ZNF683: variants seen among roughly 807,000 people sequenced by gnomAD.
ZNF683 encodes tissue-resident T-cell transcription regulator protein ZNF683.
ZNF683 carries 20 observed loss-of-function variants against 31.4 expected under a neutral mutation model. The observed-to-expected ratio is 0.64, with a 90% CI of 0.45 to 0.93. The LOEUF is 0.93. Ranked by LOEUF, ZNF683 falls within the 40% of genes least tolerant of loss-of-function variation. ZNF683 has a pLI of 0.00. For missense variants in ZNF683, 621 were observed against 637.2 expected, an observed-to-expected ratio of 0.97 and a Z score of 0.27; for synonymous variants, 264 against 267.6, an observed-to-expected ratio of 0.99 and a Z score of 0.13.
At position 26,365,244 on chromosome 1, in the gene ZNF683, G is replaced by A; in HGVS notation, c.320-18C>T. On this transcript the variant is annotated intron_variant, in intron 3 of 5. Coordinates refer to ENST00000349618, the MANE Select transcript of ZNF683 (RefSeq NM_001114759.3). ...CTCGTGCTCTAAGCAGGAAAAGGAA[G>A]GCGGTCAGATCCCCACAGTCTGGGG... 6.4e-7 allele frequency: 1 copy of A among 1,567,876 alleles called. No individual in the cohort carries two copies. Among genetic ancestry groups the A allele is most frequent in the South Asian group, 1.2e-5 (1 of 85,636 alleles).
chr1:26,371,865 G>A (rs1475117320), intron 1 of ZNF683, among the ~76,000 whole-genome samples: 4 of 149,890 alleles, frequency 2.7e-5, no homozygotes, highest in Non-Finnish European at 5.9e-5. Context: ...CAGGGAGGTC[G>A]AGACTGCAGT....
intron 1 of ZNF683, chr1:26,370,689 G>T: frequency 3.0e-6 from 3 of 985,634 alleles, no homozygotes; most frequent in South Asian, 9.4e-5. Context: ...CTGCAGCAGT[G>T]CTCCTGGCTG....
chr1:26,363,975 C>G (rs1047780165), intron 4 of ZNF683, among the ~76,000 whole-genome samples: 1 of 152,220 alleles, frequency 6.6e-6, no homozygotes, highest in African/African-American at 2.4e-5. Context: ...CCTTTGCTAA[C>G]GCACTGAGAT....
At chr1:26,372,464 C>A (rs1023894395) in intron 1 of ZNF683, 12 of 1,302,568 alleles carry the variant, frequency 9.2e-6, no homozygotes, top group Non-Finnish European at 1.2e-5. Flanking sequence ...CCTCCCTCAC[C>A]AGCACTTCAT....
In ZNF683 at chr1:26,363,247, T is replaced by A. The variant is rs2074430765; in HGVS notation, c.1015-93A>T. Reference sequence around the variant, plus strand: ...AAATCTCTGCCCACTTCTCTCTCCCTCCCCGTCATCTCCCTCAGGGCCCAT... The same window carrying A: ...AAATCTCTGCCCACTTCTCTCTCCCACCCCGTCATCTCCCTCAGGGCCCAT... On this transcript the variant is annotated intron_variant, in intron 4 of 5. Transcript: ENST00000349618. The A allele has an allele frequency of 2.8e-6, 4 of 1,437,344 alleles. No individual in the cohort carries two copies. In the South Asian group the frequency reaches 3.9e-5, roughly 14 times the overall value. The allele number at this position is 1,437,344 out of a possible 1,614,324, so 89.0% of individuals were successfully genotyped here. A position where few individuals can be genotyped will look rare whatever the true frequency, so the allele number is the denominator to read the frequency against.
upstream of ZNF683, among the ~76,000 whole-genome samples, chr1:26,373,951 A>G (rs958231503): frequency 2.0e-5 from 3 of 152,148 alleles, no homozygotes; most frequent in Non-Finnish European, 2.9e-5. Context: ...AGTAGCCAAG[A>G]GCTCTTTAGT....
Position 26,364,743 on chromosome 1 carries a change from G to C in ZNF683, c.803C>G (p.Pro268Arg). Residue 268 changes from proline to arginine, a missense_variant, in exon 4 of 6, where the codon CCT (proline) becomes CGT (arginine). Physicochemically the swap from Pro to Arg is moderately radical, Grantham distance 103. Coordinates refer to ENST00000349618, the MANE Select transcript of ZNF683 (RefSeq NM_001114759.3). ...AGCACCTGGATTTCGGGCCTGGGAA[G>C]GCAGAGCTTGGCCAGAGGCTTGGAA... Reference protein sequence around the residue: ...GAFQASGQALPSQARNPGAGA... With the variant: ...GAFQASGQALRSQARNPGAGA... 6.2e-7 allele frequency: 1 copy of C among 1,613,780 alleles called. No homozygotes were observed. Among genetic ancestry groups the C allele is most frequent in the Non-Finnish European group, 8.5e-7 (1 of 1,179,752 alleles).
Position 26,363,167 on chromosome 1 carries a change from C to G in ZNF683, c.1015-13G>C. The G allele has an allele frequency of 1.3e-6, 2 of 1,598,630 alleles. No homozygotes were observed. Among genetic ancestry groups the G allele is most frequent in the Non-Finnish European group, 1.7e-6 (2 of 1,168,798 alleles). ...CACGCAGGTGGACCTGAGTCAGATG[C>G]GGGATAAATGCTGCCAACTGCCCAG... On this transcript the variant is annotated splice_polypyrimidine_tract_variant and intron_variant, in intron 4 of 5. Coordinates refer to ENST00000349618, the MANE Select transcript of ZNF683 (RefSeq NM_001114759.3).
upstream of ZNF683, chr1:26,373,198 G>C (rs1314207928): frequency 6.5e-6 from 1 of 152,742 alleles, no homozygotes; most frequent in Non-Finnish European, 1.5e-5. Flanking sequence ...AGACCAGCCT[G>C]GCCAACATGG....
chr1:26,362,667 G>A (rs1190144412), intron 5 of ZNF683, among the ~76,000 whole-genome samples: 2 of 152,132 alleles, frequency 1.3e-5, no homozygotes, highest in Admixed American at 6.5e-5. Flanking sequence ...TTTCCCGAGG[G>A]ATGTGGCCAG....
upstream of ZNF683, among the ~76,000 whole-genome samples, chr1:26,373,745 C>G (rs1349087467): frequency 2.6e-5 from 4 of 152,080 alleles, no homozygotes; most frequent in African/African-American, 4.8e-5. Flanking sequence ...TTATACATGC[C>G]CAGAATAGAA....
chr1:26,366,800 C>T (rs1001145081), intron 3 of ZNF683, among the ~76,000 whole-genome samples: 1 of 152,134 alleles, frequency 6.6e-6, no homozygotes, highest in East Asian at 1.9e-4. Context: ...GGACTACAGG[C>T]ACCTGCCACC....
At chr1:26,368,806 G>C (rs1168905348) in intron 1 of ZNF683, among the ~76,000 whole-genome samples, 1 of 152,220 alleles carries the variant, frequency 6.6e-6, no homozygotes, top group Non-Finnish European at 1.5e-5. Flanking sequence ...CTCCTGGTGG[G>C]TGTGGGAAGA....
chr1:26,365,250 C>CA, intron 3 of ZNF683, 24 bp from the exon 4 acceptor site: 1 of 1,554,730 alleles, frequency 6.4e-7, no homozygotes, highest in South Asian at 1.2e-5. Context: ...GGAAGGCGGT[C>CA]AGATCCCCAC....
intron 4 of ZNF683, among the ~76,000 whole-genome samples, chr1:26,363,962 C>T (rs929404776): frequency 6.6e-6 from 1 of 152,222 alleles, no homozygotes; most frequent in African/African-American, 2.4e-5. Flanking sequence ...GCACAGTTTC[C>T]GCCCTTTGCT....
rs746494512 is a variant in ZNF683, at chr1:26,361,669, C to T, written c.1497G>A (p.Gly499=). Residue 499 remains glycine, a synonymous_variant, in exon 6 of 6, where the codon GGG becomes GGA. Transcript: ENST00000349618. ...LSSAGTPLVM[G]QDQNN Reference sequence around the variant, plus strand: ...AACATTTTTAATTGTTCTGGTCCTGCCCCATCACCAGGGGAGTCCCGGCAC... The same window carrying T: ...AACATTTTTAATTGTTCTGGTCCTGTCCCATCACCAGGGGAGTCCCGGCAC... 5 of 1,612,256 alleles carry T rather than the reference C, an allele frequency of 3.1e-6. No individual in the cohort carries two copies. The South Asian group carries it at 4.4e-5, about 14-fold the overall frequency.
At chr1:26,370,169 TGA>T (rs1425619736) in intron 1 of ZNF683, among the ~76,000 whole-genome samples, 1 of 152,136 alleles carries the variant, frequency 6.6e-6, no homozygotes. Context: ...CCTTCTGTGC[TGA>T]GAGGGGTCCC....
At chr1:26,365,579 T>C (rs2074502350) in intron 3 of ZNF683, among the ~76,000 whole-genome samples, 1 of 152,206 alleles carries the variant, frequency 6.6e-6, no homozygotes, top group South Asian at 2.1e-4. Context: ...TTACATTAAT[T>C]ACAATGATTC....
At chr1:26,367,836 G>C (rs1204921978) in intron 2 of ZNF683, 39 bp from the exon 3 acceptor site, 1 of 1,467,646 alleles carries the variant, frequency 6.8e-7, no homozygotes, top group Admixed American at 2.4e-5. Context: ...GCTGGTGACT[G>C]GGACTCCATG....
Sources: gnomAD v4.1 joint callset for allele counts (sites outside exome capture counted in the v4.1 genomes callset) on GRCh38, gnomAD v4.1.1 for gene constraint, MANE v1.5 for transcripts, NCBI Gene and HGNC (gene_info 2026-07-23, HGNC 2026-07-21) for gene names.